PKHD1L1: variants seen among roughly 807,000 people sequenced by gnomAD.
PKHD1L1 encodes fibrocystin-L.
Under a neutral mutation model 462.9 loss-of-function variants are expected in PKHD1L1, and 434 were observed. The observed-to-expected ratio is 0.94, with a 90% CI of 0.87 to 1.02. The LOEUF is 1.02. Among genes scored for constraint, PKHD1L1 ranks in the 50% least tolerant of loss-of-function variants. The probability of loss-of-function intolerance (pLI) is 0.00; values close to 1 mark genes in which losing one functional copy is unlikely to be tolerated. For missense variants in PKHD1L1, 5,202 were observed against 5,096.1 expected, an observed-to-expected ratio of 1.02 and a Z score of -0.63; for synonymous variants, 1,781 against 1,750.0, an observed-to-expected ratio of 1.02 and a Z score of -0.44.
intron 9 of PKHD1L1, among the ~76,000 whole-genome samples, 199 bp downstream of exon 9, chr8:109,390,693 C>T (rs1812671527): frequency 6.6e-6 from 1 of 152,036 alleles, no homozygotes; most frequent in African/African-American, 2.4e-5. Flanking sequence ...GTAGGGAAAT[C>T]TAGCATTAAC....
intron 19 of PKHD1L1, 24 bp from the exon 20 acceptor site, chr8:109,412,240 AT>A: frequency 6.2e-7 from 1 of 1,610,278 alleles, no homozygotes; most frequent in Non-Finnish European, 8.5e-7. Flanking sequence ...TCATGTTTTC[AT>A]TTGAAATATT....
intron 4 of PKHD1L1, 102 bp downstream of exon 4, chr8:109,382,673 T>A: frequency 1.4e-6 from 1 of 727,102 alleles, no homozygotes; most frequent in Non-Finnish European, 2.1e-6. Context: ...TTTCCACATT[T>A]AAAAATACAT....
Position 109,444,786 on chromosome 8 carries a change from C to T in PKHD1L1, c.4917C>T (p.Asn1639=), listed in dbSNP as rs370365299. The change falls in exon 38 of 78, where the codon AAC becomes AAT. Residue 1639 remains asparagine, a synonymous_variant. Transcript: ENST00000378402. ...IRETVTLTVY[N]LGTAINTLSN... ...AAACTGTCACTTTGACTGTCTACAA[C>T]CTGGGCACTGCTATCAATACGTTGT... The T allele has an allele frequency of 9.3e-6, 15 of 1,613,878 alleles. No individual in the cohort carries two copies. Among genetic ancestry groups the T allele is most frequent in the East Asian group, 2.2e-5 (1 of 44,896 alleles).
rs989114324 is a variant in PKHD1L1, at chr8:109,464,904, C to T, written c.8072C>T (p.Pro2691Leu). The stretch of plus-strand genomic sequence containing the variant: ...ATTGAGACTAAGAGGATCCTGGCTC[C>T]TTATGTTGGAGGGTGGGGTGAAACC... ...AGIETKRILAPYVGGWGETNG... is the reference protein window; with the variant it reads ...AGIETKRILALYVGGWGETNG... The change falls in exon 49 of 78, where the codon CCT becomes CTT. Residue 2691 changes from proline to leucine, a missense_variant. This residue lies in a region of PKHD1L1 where 4,497 missense variants were observed against 4,336.8 expected (regional missense o/e 1.04). Coordinates refer to ENST00000378402, the MANE Select transcript of PKHD1L1 (RefSeq NM_177531.6). 1 of 1,613,784 alleles carries T rather than the reference C, an allele frequency of 6.2e-7. No homozygotes were observed. Among genetic ancestry groups the T allele is most frequent in the Admixed American group, 1.7e-5 (1 of 59,972 alleles).
intron 68 of PKHD1L1, 84 bp from the exon 69 acceptor site, chr8:109,507,579 T>C (rs754440376): frequency 1.1e-5 from 13 of 1,154,950 alleles, no homozygotes; most frequent in Non-Finnish European, 1.6e-5. Flanking sequence ...TCAATTTTTT[T>C]GGATATCCTC....
intron 38 of PKHD1L1, 141 bp downstream of exon 38, chr8:109,445,786 C>T: frequency 3.3e-6 from 3 of 914,318 alleles, no homozygotes; most frequent in South Asian, 1.8e-5. Flanking sequence ...GGGATTCAAG[C>T]TCTGTGTAGT....
chr8:109,445,513 T>G lies in PKHD1L1; in HGVS notation c.5644T>G (p.Cys1882Gly), dbSNP rs747855925. Reference protein sequence around the residue: ...IISINPNEVYCRTPAGTTGMV... With the variant: ...IISINPNEVYGRTPAGTTGMV... The stretch of plus-strand genomic sequence containing the variant: ...TTCCATCAACCCCAATGAAGTCTAC[T>G]GCCGCACTCCCGCTGGGACCACTGG... The change falls in exon 38 of 78, where the codon TGC becomes GGC. Residue 1882 changes from cysteine to glycine, a missense_variant. By Grantham distance (159) the Cys-to-Gly change is radical. This residue lies in a region of PKHD1L1 where 4,497 missense variants were observed against 4,336.8 expected (regional missense o/e 1.04). Transcript: ENST00000378402. The G allele has an allele frequency of 2.3e-5, 37 of 1,613,640 alleles. No homozygotes were observed. Among genetic ancestry groups the G allele is most frequent in the Admixed American group, 1.3e-4 (8 of 59,952 alleles).
chr8:109,447,687 C>A (rs1050607872), intron 38 of PKHD1L1, among the ~76,000 whole-genome samples: 1 of 152,174 alleles, frequency 6.6e-6, no homozygotes, highest in Non-Finnish European at 1.5e-5. Context: ...TCATACCTAT[C>A]AAAAATGTTT....
At chr8:109,398,588 C>A in intron 12 of PKHD1L1, 40 bp downstream of exon 12, 1 of 930,116 alleles carries the variant, frequency 1.1e-6, no homozygotes, top group Non-Finnish European at 1.6e-6. Context: ...TCTATATTCA[C>A]ATAAAAAGAA....
At position 109,480,261 on chromosome 8, in the gene PKHD1L1, C is replaced by A. The variant is rs73704026; in HGVS notation, c.9327+122C>A. 242 of 1,026,154 alleles carry A rather than the reference C, an allele frequency of 2.4e-4. No homozygotes were observed. The African/African-American group carries it at 3.5e-3, about 15-fold the overall frequency. The allele number at this position is 1,026,154 out of a possible 1,614,324, so 63.6% of individuals were successfully genotyped here. On this transcript the variant is annotated intron_variant, in intron 55 of 77. Transcript: ENST00000378402. ...GAATAAAAACACAACTGGCTCTATC[C>A]CATTAAATGCAAGTCTCAGTTAAGT...
At chr8:109,399,563 T>G (rs1364767651) in intron 12 of PKHD1L1, among the ~76,000 whole-genome samples, 1 of 152,130 alleles carries the variant, frequency 6.6e-6, no homozygotes, top group Non-Finnish European at 1.5e-5. Context: ...GTAGAAGTAA[T>G]GTTTTTTTTA....
intron 1 of PKHD1L1, among the ~76,000 whole-genome samples, chr8:109,364,111 T>C (rs537140956): frequency 1.2e-4 from 19 of 152,330 alleles, no homozygotes; most frequent in South Asian, 2.1e-4. Flanking sequence ...TCTTTGTACC[T>C]GGTCTAGTCT....
intron 12 of PKHD1L1, among the ~76,000 whole-genome samples, 163 bp downstream of exon 12, chr8:109,398,711 C>A (rs369116509): frequency 6.6e-6 from 1 of 151,996 alleles, no homozygotes; most frequent in Non-Finnish European, 1.5e-5. Context: ...GAAAATATTT[C>A]TATTAAAATA....
At chr8:109,411,293 A>G (rs1347367327) in intron 19 of PKHD1L1, among the ~76,000 whole-genome samples, 1 of 152,102 alleles carries the variant, frequency 6.6e-6, no homozygotes, top group Non-Finnish European at 1.5e-5. Context: ...GAAGCCAGCT[A>G]TTTGCTATTT....
At chr8:109,489,789 G>A (rs1166393885) in intron 59 of PKHD1L1, among the ~76,000 whole-genome samples, 163 bp from the exon 60 acceptor site, 1 of 151,896 alleles carries the variant, frequency 6.6e-6, no homozygotes, top group Non-Finnish European at 1.5e-5. Context: ...CTATTTGTGA[G>A]TACAATGAAA....
chr8:109,394,481 T>C lies in PKHD1L1; in HGVS notation c.807T>C (p.Tyr269=), dbSNP rs543517137. 105 of 1,506,944 alleles carry C rather than the reference T, an allele frequency of 7.0e-5. 2 individuals are homozygous for C. The South Asian group carries it at 1.1e-3, about 16-fold the overall frequency. 93.3% of individuals were successfully genotyped at this position (1,506,944 alleles called of 1,614,324 possible). The part of the protein sequence containing the change: ...SLNKIAMFQT[Y]AEVTMIFPSQ... ...ATAAAATTGCAATGTTTCAAACATA[T>C]GCAGGTATGTGACTTTTCTTTCACT... The change falls in exon 10 of 78, where the codon TAT becomes TAC. Residue 269 remains tyrosine (Y), a synonymous_variant. Coordinates refer to ENST00000378402, the MANE Select transcript of PKHD1L1 (RefSeq NM_177531.6).
At position 109,536,676 on chromosome 8, in the gene PKHD1L1, C is replaced by G. The variant is rs996952470; in HGVS notation, c.*6586C>G. 6.6e-6 allele frequency among the ~76,000 whole-genome samples: 1 copy of G among 152,160 alleles called. No homozygotes were observed. Among genetic ancestry groups the G allele is most frequent in the Non-Finnish European group, 1.5e-5 (1 of 68,020 alleles). On this transcript the variant is annotated 3_prime_UTR_variant, in exon 78 of 78. Coordinates refer to ENST00000378402, the MANE Select transcript of PKHD1L1 (RefSeq NM_177531.6). ...ATCTTTTCATTTGAATTTATTTCTA[C>G]TAAAATATATGTATTATTTTTCTTG...
chr8:109,384,013 A>C (rs1373023540), intron 4 of PKHD1L1, 57 bp from the exon 5 acceptor site: 3 of 1,181,414 alleles, frequency 2.5e-6, no homozygotes, highest in Non-Finnish European at 3.8e-6. Context: ...TATCTATTTC[A>C]CAAAACTAGA....
chr8:109,395,351 C>T (rs926422175), intron 10 of PKHD1L1, among the ~76,000 whole-genome samples: 6 of 151,936 alleles, frequency 3.9e-5, no homozygotes, highest in African/African-American at 1.4e-4. Context: ...ACGTCATTCC[C>T]GGTCAGGAAT....
Sources: allele counts gnomAD v4.1 joint callset (sites outside exome capture counted in the v4.1 genomes callset), GRCh38; gene constraint gnomAD v4.1.1; regional missense constraint gnomAD v4.1.1; transcripts MANE v1.5; gene names NCBI Gene and HGNC (gene_info 2026-07-23, HGNC 2026-07-21).